Variants in SKAP1 observed in about 807,000 individuals in gnomAD.
The protein encoded by SKAP1 is src kinase-associated phosphoprotein 1.
SKAP1 carries 44 observed loss-of-function variants against 58.5 expected under a neutral mutation model. The ratio of observed to expected loss-of-function variants is 0.75; its 90% confidence interval spans 0.59 to 0.97. The LOEUF is 0.97. Among genes scored for constraint, SKAP1 ranks in the 50% least tolerant of loss-of-function variants. SKAP1 has a pLI of 0.00. For missense variants in SKAP1, 390 were observed against 435.2 expected (o/e 0.90, Z 0.92); for synonymous variants, 127 against 149.7 (o/e 0.85, Z 1.11).
At chr17:48,163,675 T>G (rs1476033895) in intron 10 of SKAP1, among the ~76,000 whole-genome samples, 1 of 152,158 alleles carries the variant, frequency 6.6e-6, no homozygotes, top group Non-Finnish European at 1.5e-5. Context: ...TTCCCTTTAT[T>G]CATTTTACCC....
chr17:48,374,770 G>C (rs1439895979), intron 2 of SKAP1, among the ~76,000 whole-genome samples: 5 of 152,192 alleles, frequency 3.3e-5, no homozygotes, highest in Admixed American at 3.3e-4. Context: ...CCTTGCAGAA[G>C]GTATGGACTA....
chr17:48,217,782 A>G (rs2064957822), intron 4 of SKAP1, among the ~76,000 whole-genome samples: 1 of 152,250 alleles, frequency 6.6e-6, no homozygotes, highest in African/African-American at 2.4e-5. Flanking sequence ...AAAGGCACCA[A>G]AATGGATTAT....
At chr17:48,264,950 G>A (rs1327673748) in intron 4 of SKAP1, among the ~76,000 whole-genome samples, 1 of 152,132 alleles carries the variant, frequency 6.6e-6, no homozygotes, top group Non-Finnish European at 1.5e-5. Context: ...AATCACAAAT[G>A]CCACTTTCAT....
At chr17:48,170,322 T>C (rs2064191278) in intron 10 of SKAP1, among the ~76,000 whole-genome samples, 1 of 152,212 alleles carries the variant, frequency 6.6e-6, no homozygotes, top group African/African-American at 2.4e-5. Context: ...ACTGTACTGA[T>C]ATAAGAAATA....
At chr17:48,312,308 G>T (rs145619666) in intron 4 of SKAP1, among the ~76,000 whole-genome samples, 1 of 152,256 alleles carries the variant, frequency 6.6e-6, no homozygotes, top group East Asian at 1.9e-4. Context: ...ATATCTGCAA[G>T]AATTTTCTTG....
intron 11 of SKAP1, among the ~76,000 whole-genome samples, chr17:48,150,703 G>A (rs2063891748): frequency 6.6e-6 from 1 of 152,186 alleles, no homozygotes; most frequent in African/African-American, 2.4e-5. Flanking sequence ...TAGATGCTAT[G>A]CGCTTATGAA....
chr17:48,346,497 G>A (rs905760711), intron 3 of SKAP1, among the ~76,000 whole-genome samples: 7 of 151,902 alleles, frequency 4.6e-5, no homozygotes, highest in African/African-American at 7.3e-5. Context: ...GGTGGTGGGC[G>A]CCTGTAATCC....
chr17:48,439,205 ACTT>A, the SKAP1 span, among the ~76,000 whole-genome samples: 1 of 152,186 alleles, frequency 6.6e-6, no homozygotes, highest in African/African-American at 2.4e-5. Context: ...ACACAATGAC[ACTT>A]CTTATTGAGT....
chr17:48,197,601 A>ATTGC (rs746449831), intron 4 of SKAP1, among the ~76,000 whole-genome samples: 19 of 152,304 alleles, frequency 1.2e-4, no homozygotes, highest in Middle Eastern at 3.4e-3. Flanking sequence ...AGGCAGGAGG[A>ATTGC]TTGCTTGAGC....
intron 1 of SKAP1, among the ~76,000 whole-genome samples, chr17:48,404,313 G>A (rs1252555535): frequency 1.3e-5 from 2 of 151,424 alleles, no homozygotes; most frequent in African/African-American, 2.4e-5. Flanking sequence ...TTAGCCGGGC[G>A]TAGTGGCACA....
intron 4 of SKAP1, among the ~76,000 whole-genome samples, chr17:48,267,199 T>C (rs1263063322): frequency 6.6e-6 from 1 of 152,228 alleles, no homozygotes; most frequent in Non-Finnish European, 1.5e-5. Context: ...AGTAAGCCTT[T>C]TTTAGCTTTA....
chr17:48,184,047 A>C (rs2064408684), intron 7 of SKAP1, among the ~76,000 whole-genome samples: 2 of 152,192 alleles, frequency 1.3e-5, no homozygotes, highest in African/African-American at 4.8e-5. Flanking sequence ...CTATATTTCC[A>C]CAGTCAGAAA....
rs571959169 is a variant in SKAP1 at position 48,154,974 on chromosome 17, C to T, written c.978+7495G>A. ...ACTAGGGAGGTTGAGGCAGGAGAAC[C>T]GCTCGAACTCAGGAGGCAGAGGTTG... On this transcript the variant is annotated intron_variant, in intron 11 of 12. Transcript: ENST00000336915. Among the ~76,000 whole-genome samples, 49 of 151,334 alleles carry T rather than the reference C, an allele frequency of 3.2e-4. No individual in the cohort carries two copies. The East Asian group carries it at 7.8e-3, about 24-fold the overall frequency.
chr17:48,196,167 T>C (rs996746587), intron 4 of SKAP1, among the ~76,000 whole-genome samples: 1 of 152,172 alleles, frequency 6.6e-6, no homozygotes, highest in South Asian at 2.1e-4. Context: ...GGTTGCTCAG[T>C]TGGAATAGCC....
At chr17:48,422,424 T>C (rs372878626) in intron 1 of SKAP1, among the ~76,000 whole-genome samples, 1 of 152,230 alleles carries the variant, frequency 6.6e-6, no homozygotes, top group Non-Finnish European at 1.5e-5. Context: ...CAGATACTGT[T>C]CTAAATTCTT....
intron 4 of SKAP1, 77 bp from the exon 5 acceptor site, chr17:48,189,577 A>C (rs547996480): frequency 2.3e-5 from 22 of 973,292 alleles, no homozygotes; most frequent in Non-Finnish European, 3.2e-5. Context: ...TAGGTAATTC[A>C]CATTAATAAC....
chr17:48,336,088 C>T (rs1335351731), intron 4 of SKAP1, among the ~76,000 whole-genome samples: 1 of 152,088 alleles, frequency 6.6e-6, no homozygotes, highest in Admixed American at 6.6e-5. Flanking sequence ...CGAGAGGGAG[C>T]TAGAGAATTC....
At chr17:48,380,486 C>G (rs1030562861) in intron 2 of SKAP1, 10 of 152,182 alleles carry the variant, frequency 6.6e-5, no homozygotes, top group African/African-American at 2.2e-4. Context: ...ACACACTTTC[C>G]TGATCTTAAG....
At chr17:48,386,289 C>T (rs893442409) in intron 2 of SKAP1, among the ~76,000 whole-genome samples, 5 of 149,602 alleles carry the variant, frequency 3.3e-5, no homozygotes, top group African/African-American at 1.2e-4. Context: ...ATGCAACATG[C>T]CAGCACCATG....
Sources: allele counts gnomAD v4.1 joint callset (sites outside exome capture counted in the v4.1 genomes callset), GRCh38; gene constraint gnomAD v4.1.1; transcripts MANE v1.5; gene names NCBI Gene and HGNC (gene_info 2026-07-23, HGNC 2026-07-21).